The following ZNF318 variants were observed in gnomAD, a reference collection of about 807,000 sequenced individuals.
ZNF318 encodes the protein zinc finger protein 318.
In ZNF318, 51 loss-of-function variants were observed where a neutral mutation model predicts 124.2. The ratio of observed to expected loss-of-function variants is 0.41; its 90% confidence interval spans 0.33 to 0.52. The LOEUF is 0.52. Ranked by LOEUF, ZNF318 falls within the 20% of genes least tolerant of loss-of-function variation. The probability of loss-of-function intolerance (pLI) is 0.23; values close to 1 mark genes in which losing one functional copy is unlikely to be tolerated. For synonymous variants in ZNF318, 1,090 were observed against 1,040.7 expected, an observed-to-expected ratio of 1.05 and a Z score of -0.91; for missense variants, 2,815 against 2,811.2, an observed-to-expected ratio of 1.00 and a Z score of -0.03.
chr6:43,346,547 C>A (rs2494778), intron 6 of ZNF318, among the ~76,000 whole-genome samples: 137,602 of 140,156 alleles, frequency 0.98, 67,585 homozygotes, highest in East Asian at 1. Context: ...AAAAAAAAAG[C>A]AGCTCTCATT....
intron 4 of ZNF318, among the ~76,000 whole-genome samples, chr6:43,354,183 C>A (rs541864260): frequency 6.6e-6 from 1 of 152,034 alleles, no homozygotes; most frequent in East Asian, 1.9e-4. Context: ...CTAAGATAAA[C>A]CAGAACAAGC....
At chr6:43,368,718 A>C in intron 1 of ZNF318, 3 of 985,476 alleles carry the variant, frequency 3.0e-6, no homozygotes, top group Non-Finnish European at 3.6e-6. Context: ...ACCCGGCATG[A>C]GAGAAACAGC....
At chr6:43,352,812 ATGT>A (rs907541653) in intron 4 of ZNF318, among the ~76,000 whole-genome samples, 1 of 152,252 alleles carries the variant, frequency 6.6e-6, no homozygotes, top group African/African-American at 2.4e-5. Context: ...GACATATTTC[ATGT>A]TGTTTATTTT....
At position 43,355,677 on chromosome 6, in the gene ZNF318, T is replaced by C. The variant is rs1241214838; in HGVS notation, c.1657A>G (p.Lys553Glu). Residue 553 changes from lysine (K) to glutamate (E), a missense_variant, in exon 4 of 10, where the codon AAG (lysine) becomes GAG (glutamate). Physicochemically the swap from Lys to Glu is moderately conservative, Grantham distance 56. Coordinates refer to ENST00000361428, the MANE Select transcript of ZNF318 (RefSeq NM_014345.3). ...TCACTCTCAGAGCTCCCAAGGGGCT[T>C]TGGTACGGATTCTGCCTTTAAATCC... ...EEDLKAESVP[K>E]PLGSSESEVM... 3 of 1,614,050 alleles carry C rather than the reference T, an allele frequency of 1.9e-6. No individual in the cohort carries two copies. Among genetic ancestry groups the C allele is most frequent in the Admixed American group, 1.7e-5 (1 of 59,992 alleles).
rs1178898928 is a variant in ZNF318 at position 43,337,853 on chromosome 6, C to T, written c.6145G>A (p.Val2049Ile). ...GAGGAATTACACCCTATAGGTGATA[C>T]AGAATTTTCTTCACACACTTTCTGA... ...LCQKVCEENS[V>I]SPIGCNSSDP... Residue 2049 changes from valine to isoleucine, a missense_variant, in exon 10 of 10, where the codon GTA becomes ATA. Coordinates refer to ENST00000361428, the MANE Select transcript of ZNF318 (RefSeq NM_014345.3). 13 of 1,614,074 alleles carry T rather than the reference C, an allele frequency of 8.1e-6. No individual in the cohort carries two copies. The East Asian group carries it at 1.1e-4, about 14-fold the overall frequency.
At chr6:43,358,784 G>C (rs1190746044) in intron 2 of ZNF318, among the ~76,000 whole-genome samples, 2 of 151,428 alleles carry the variant, frequency 1.3e-5, no homozygotes, top group African/African-American at 4.9e-5. Context: ...TCGAACTCCT[G>C]ATCTCAGGTG....
At chr6:43,352,259 T>TTCTTTGCACTCTTATTGCAAC in intron 5 of ZNF318, 118 bp downstream of exon 5, 1 of 370,280 alleles carries the variant, frequency 2.7e-6, no homozygotes, top group Non-Finnish European at 4.0e-6. Flanking sequence ...GTAAGTTTAA[T>TTCTTTGCACTCTTATTGCAAC]TACGTCAAAA....
At chr6:43,343,985 T>C (rs1056832045) in intron 6 of ZNF318, among the ~76,000 whole-genome samples, 4 of 152,134 alleles carry the variant, frequency 2.6e-5, no homozygotes, top group Admixed American at 2.0e-4. Flanking sequence ...AATGAGAATT[T>C]TGGTTAATGT....
chr6:43,339,904 G>A lies in ZNF318; in HGVS notation c.4094C>T (p.Ala1365Val). The A allele has an allele frequency of 6.2e-7, 1 of 1,614,186 alleles. No homozygotes were observed. The highest frequency in any genetic ancestry group is 8.5e-7 in the Non-Finnish European group (1 of 1,180,036). ...AAGAGGAGCTGGCTTGCTCATTGTG[G>A]CTGAACATGACTTGCGGAGTACTGT... ...PSTVLRKSCS[A>V]TMSKPAPLNT... The change falls in exon 10 of 10, where the codon GCC (alanine) becomes GTC (valine). Residue 1365 changes from alanine (A) to valine (V), a missense_variant. By Grantham distance (64) the Ala-to-Val change is moderately conservative. This residue lies in a region of ZNF318 where 500 missense variants were observed against 605.2 expected (regional missense o/e 0.83). Coordinates refer to ENST00000361428, the MANE Select transcript of ZNF318 (RefSeq NM_014345.3). The surrounding 1 kb of genome is among the most constrained non-coding windows in gnomAD (Gnocchi z 4.2).
At chr6:43,356,338 G>C (rs1234563128) in intron 3 of ZNF318, among the ~76,000 whole-genome samples, 193 bp from the exon 4 acceptor site, 1 of 152,162 alleles carries the variant, frequency 6.6e-6, no homozygotes, top group Non-Finnish European at 1.5e-5. Context: ...TACTGTTGAG[G>C]AGAAACAGGA....
rs1250392938 is a variant in ZNF318 at position 43,354,939 on chromosome 6, C to G, written c.2395G>C (p.Ala799Pro). ...GTGGGATACATGGGCCATCTGGAGG[C>G]TGCATATGCCATGTAGTGCCTATAG... Reference protein sequence around the residue: ...DAYRHYMAYAASRWPMYPTSQ... With the variant: ...DAYRHYMAYAPSRWPMYPTSQ... Residue 799 changes from alanine (A) to proline (P), a missense_variant, in exon 4 of 10, where the codon GCC becomes CCC. By Grantham distance (27) the Ala-to-Pro change is conservative. This residue lies in a region of ZNF318 where 1,377 missense variants were observed against 1,353.5 expected (regional missense o/e 1.02). Coordinates refer to ENST00000361428, the MANE Select transcript of ZNF318 (RefSeq NM_014345.3). 6.2e-7 allele frequency: 1 copy of G among 1,609,904 alleles called. No individual in the cohort carries two copies. The highest frequency in any genetic ancestry group is 1.1e-5 in the South Asian group (1 of 90,472).
Position 43,357,634 on chromosome 6 carries a change from T to G in ZNF318, c.680A>C (p.Lys227Thr), listed in dbSNP as rs1244220339. 6.2e-7 allele frequency: 1 copy of G among 1,613,958 alleles called. No homozygotes were observed. Among genetic ancestry groups the G allele is most frequent in the Non-Finnish European group, 8.5e-7 (1 of 1,180,026 alleles). The change falls in exon 3 of 10, where the codon AAA (lysine) becomes ACA (threonine). Residue 227 changes from lysine to threonine, a missense_variant. By Grantham distance (78) the Lys-to-Thr change is moderately conservative. This residue lies in a region of ZNF318 where 1,377 missense variants were observed against 1,353.5 expected (regional missense o/e 1.02). Transcript: ENST00000361428. ...LGQLDEDYRT[K>T]ETFLHRSDYS... is the part of the protein sequence containing the mutation. Reference sequence around the variant, plus strand: ...ATCAGATCGATGCAGGAAAGTTTCTTTTGTTCGGTAGTCCTCATCAAGTTG... The same window carrying G: ...ATCAGATCGATGCAGGAAAGTTTCTGTTGTTCGGTAGTCCTCATCAAGTTG...
rs1442346883 is a variant in ZNF318 at position 43,337,238 on chromosome 6, T to C, written c.6760A>G (p.Met2254Val). The stretch of plus-strand genomic sequence containing the variant: ...TGTTCAGGCATTCCCTGAGGGACCA[T>C]ATTGTCTTCAATTACCTGCTCCCTT... Reference protein sequence around the residue: ...PPREQVIEDNMVPQGMPEQET... With the variant: ...PPREQVIEDNVVPQGMPEQET... Residue 2254 changes from methionine to valine, a missense_variant, in exon 10 of 10, where the codon ATG (methionine) becomes GTG (valine). Around this residue, in one of 4 missense-constraint regions of ZNF318, gnomAD observed 927 missense variants for 820.6 expected, o/e 1.13. Transcript: ENST00000361428. 6.2e-7 allele frequency: 1 copy of C among 1,614,150 alleles called. No homozygotes were observed.
intron 2 of ZNF318, among the ~76,000 whole-genome samples, chr6:43,362,518 C>CTTTTTTTTTTT (rs1180416139): frequency 1.2e-5 from 1 of 80,896 alleles, no homozygotes; most frequent in Non-Finnish European, 2.1e-5. Context: ...ACATACACGT[C>CTTTTTTTTTTT]TTTTTTTTTT....
At chr6:43,358,413 A>T (rs1466779718) in intron 2 of ZNF318, among the ~76,000 whole-genome samples, 13 of 35,110 alleles carry the variant, frequency 3.7e-4, no homozygotes, top group Non-Finnish European at 7.3e-4. Context: ...ACACCCGGCT[A>T]ATTTTTTTTT....
At chr6:43,350,023 G>A (rs903061418) in intron 5 of ZNF318, among the ~76,000 whole-genome samples, 2 of 152,190 alleles carry the variant, frequency 1.3e-5, no homozygotes, top group Non-Finnish European at 2.9e-5. Context: ...GTCGAGGCAG[G>A]CGGATCACCT....
intron 2 of ZNF318, among the ~76,000 whole-genome samples, chr6:43,360,890 T>G (rs1779672555): frequency 6.6e-6 from 1 of 152,132 alleles, no homozygotes; most frequent in South Asian, 2.1e-4. Context: ...GGCAAATCTA[T>G]AGAGACAGAA....
In ZNF318 at chr6:43,357,136, G is replaced by A. The variant is rs1249794755; in HGVS notation, c.1178C>T (p.Pro393Leu). 1 of 1,611,234 alleles carries A rather than the reference G, an allele frequency of 6.2e-7. No homozygotes were observed. The highest frequency in any genetic ancestry group is 1.3e-5 in the African/African-American group (1 of 74,846). The stretch of plus-strand genomic sequence containing the variant: ...AAATGCAGCAGAGACCTGCATGGAG[G>A]GCTCCATTATGTCCACCTCAATCCG... ...KKRIEVDIME[P>L]SMQLESFSSS... The change falls in exon 3 of 10, where the codon CCC becomes CTC. Residue 393 changes from proline (P) to leucine (L), a missense_variant. Coordinates refer to ENST00000361428, the MANE Select transcript of ZNF318 (RefSeq NM_014345.3).
rs757006261 is a variant in ZNF318, at chr6:43,355,382, C to T, written c.1952G>A (p.Arg651His). ...SADHCSSVDH[R>H]FSADRCSSVD... is the part of the protein sequence containing the mutation. ...TGAGGAACAGCGGTCAGCTGAGAAG[C>T]GGTGGTCAACTGAGGAACAGTGGTC... The change falls in exon 4 of 10, where the codon CGC (arginine) becomes CAC (histidine). Residue 651 changes from arginine (R) to histidine (H), a missense_variant. Physicochemically the swap from Arg to His is conservative, Grantham distance 29. Coordinates refer to ENST00000361428, the MANE Select transcript of ZNF318 (RefSeq NM_014345.3). The T allele has an allele frequency of 3.7e-6, 6 of 1,614,086 alleles. No individual in the cohort carries two copies. The highest frequency in any genetic ancestry group is 1.1e-5 in the South Asian group (1 of 91,068).
Sources: gnomAD v4.1 joint callset for allele counts (sites outside exome capture counted in the v4.1 genomes callset) on GRCh38, gnomAD v4.1.1 for gene constraint, gnomAD v4.1.1 regional missense constraint, Gnocchi (gnomAD v3.1) non-coding constraint, MANE v1.5 for transcripts, NCBI Gene and HGNC (gene_info 2026-07-23, HGNC 2026-07-21) for gene names.